EIF4G3: variants seen among roughly 807,000 people sequenced by gnomAD.
EIF4G3 encodes eIF-4-gamma 3.
Under a neutral mutation model 186.4 loss-of-function variants are expected in EIF4G3, and 34 were observed. That is an observed-to-expected ratio of 0.18 (90% CI 0.14 to 0.24). The LOEUF (loss-of-function observed/expected upper bound fraction) is 0.24. EIF4G3 is among the 10% of genes least tolerant of loss of function. The probability of loss-of-function intolerance (pLI) is 1.00; values close to 1 mark genes in which losing one functional copy is unlikely to be tolerated. For synonymous variants in EIF4G3, 673 were observed against 679.5 expected (o/e 0.99, Z 0.15); for missense variants, 1,536 against 1,948.5 (o/e 0.79, Z 3.99).
At chr1:20,811,412 C>A (rs2059219691) in intron 35 of EIF4G3, among the ~76,000 whole-genome samples, 1 of 152,208 alleles carries the variant, frequency 6.6e-6, no homozygotes, top group Admixed American at 6.5e-5. Context: ...TGCAACCTGG[C>A]TCATTTTCAA....
At chr1:20,943,974 T>TTTTGTG (rs2095829221) in intron 13 of EIF4G3, among the ~76,000 whole-genome samples, 1 of 62,468 alleles carries the variant, frequency 1.6e-5, no homozygotes, top group African/African-American at 5.5e-5. Flanking sequence ...TTTATTTTTT[T>TTTTGTG]TGTGTGTGTG....
At chr1:20,908,368 T>C (rs1352951426) in intron 14 of EIF4G3, among the ~76,000 whole-genome samples, 1 of 152,228 alleles carries the variant, frequency 6.6e-6, no homozygotes, top group African/African-American at 2.4e-5. Flanking sequence ...AGAGCTGTTT[T>C]GTAAAACGTC....
At chr1:20,986,368 T>C (rs2079460152) in intron 7 of EIF4G3, among the ~76,000 whole-genome samples, 1 of 152,200 alleles carries the variant, frequency 6.6e-6, no homozygotes, top group African/African-American at 2.4e-5. Context: ...ATACATAACC[T>C]GGCTAAATAA....
At chr1:21,176,668 C>G in intron 1 of EIF4G3, 54 bp downstream of exon 1, 1 of 540,490 alleles carries the variant, frequency 1.9e-6, no homozygotes, top group East Asian at 3.6e-5. Flanking sequence ...CGTGACAACG[C>G]GACCCCAGGG....
chr1:21,150,405 G>A (rs558539409), intron 2 of EIF4G3, among the ~76,000 whole-genome samples: 8 of 152,182 alleles, frequency 5.3e-5, no homozygotes, highest in East Asian at 3.9e-4. Context: ...TTTTCATGGC[G>A]TCATGAAAAA....
rs1176899370 is a variant in EIF4G3 at position 20,825,318 on chromosome 1, A to G, written c.4270-120T>C. On this transcript the variant is annotated intron_variant, in intron 32 of 36. Coordinates refer to ENST00000602326, the MANE Select transcript of EIF4G3 (RefSeq NM_001391906.1). The stretch of plus-strand genomic sequence containing the variant: ...GCAAACCCCAAAAAGCTGAAAAATC[A>G]AAACGTTTCCAGCAGGGCATGGTGG... 4 of 740,516 alleles carry G rather than the reference A, an allele frequency of 5.4e-6. No homozygotes were observed. In the South Asian group the frequency reaches 8.1e-5, roughly 15 times the overall value. The allele number at this position is 740,516 out of a possible 1,614,324, so 45.9% of individuals were successfully genotyped here. A position where few individuals can be genotyped will look rare whatever the true frequency, so the allele number is the denominator to read the frequency against.
rs757549841 is a variant in EIF4G3 at position 20,851,380 on chromosome 1, A to G, written c.3650T>C (p.Leu1217Pro). ...FMRGGSSKDL[L>P]DNQSQEEQRR... is the part of the protein sequence containing the mutation. ...CTGCTCTTCTTGAGACTGATTGTCT[A>G]GCAGGTCTTTACTGCTGCCACCCCT... Residue 1217 changes from leucine (L) to proline (P), a missense_variant, in exon 28 of 37, where the codon CTA becomes CCA. Leu to Pro is a moderately conservative substitution (Grantham distance 98). This residue lies in a region of EIF4G3 where 395 missense variants were observed against 498.9 expected (regional missense o/e 0.79). Transcript: ENST00000602326. 11 of 1,614,134 alleles carry G rather than the reference A, an allele frequency of 6.8e-6. No homozygotes were observed. The highest frequency in any genetic ancestry group is 1.1e-5 in the South Asian group (1 of 91,084).
rs2080688415 is a variant in EIF4G3 at position 20,989,937 on chromosome 1, G to A, written c.178-7529C>T. ...CACGCCTGTAATCCCAGCACTTTGGGAGGCCGAAACGGGCGGATCACCTGA... is the reference window on the plus strand; with the variant it reads ...CACGCCTGTAATCCCAGCACTTTGGAAGGCCGAAACGGGCGGATCACCTGA... On this transcript the variant is annotated intron_variant, in intron 7 of 36. Transcript: ENST00000602326. Among the ~76,000 whole-genome samples, 6 of 152,306 alleles carry A rather than the reference G, an allele frequency of 3.9e-5. No homozygotes were observed. The South Asian group carries it at 1.2e-3, about 32-fold the overall frequency.
intron 2 of EIF4G3, among the ~76,000 whole-genome samples, chr1:21,121,005 A>T (rs949964589): frequency 2.0e-5 from 3 of 152,124 alleles, no homozygotes; most frequent in Non-Finnish European, 4.4e-5. Context: ...CTACAGCCTC[A>T]ACTTCCTGGG....
intron 14 of EIF4G3, among the ~76,000 whole-genome samples, chr1:20,914,243 C>T (rs765667743): frequency 2.0e-5 from 3 of 151,978 alleles, no homozygotes; most frequent in South Asian, 2.1e-4. Flanking sequence ...CTTGTGAATA[C>T]GTAGCCCTAC....
intron 33 of EIF4G3, among the ~76,000 whole-genome samples, chr1:20,819,896 G>A (rs1333519347): frequency 1.3e-5 from 2 of 152,126 alleles, no homozygotes; most frequent in South Asian, 2.1e-4. Context: ...GAGGAAAGAG[G>A]AGAGAGGGGA....
At chr1:20,827,556 G>T in intron 32 of EIF4G3, 61 bp downstream of exon 32, 1 of 1,074,778 alleles carries the variant, frequency 9.3e-7, no homozygotes, top group Non-Finnish European at 1.4e-6. Flanking sequence ...GATAACCCAA[G>T]ATCAAGATCA....
intron 35 of EIF4G3, among the ~76,000 whole-genome samples, chr1:20,811,522 A>G (rs975262876): frequency 6.6e-6 from 1 of 152,238 alleles, no homozygotes; most frequent in African/African-American, 2.4e-5. Flanking sequence ...GAAATTATTA[A>G]TGAGACATTC....
At chr1:20,910,578 G>A (rs1233095228) in intron 14 of EIF4G3, among the ~76,000 whole-genome samples, 1 of 151,998 alleles carries the variant, frequency 6.6e-6, no homozygotes, top group Non-Finnish European at 1.5e-5. Context: ...GTGAGACTCC[G>A]ACTCAAAAAA....
intron 2 of EIF4G3, among the ~76,000 whole-genome samples, chr1:21,173,137 CAAAAAAAA>C (rs1193601902): frequency 3.4e-4 from 10 of 29,192 alleles, no homozygotes; most frequent in Non-Finnish European, 5.0e-4. Context: ...GACTCAATCT[CAAAAAAAA>C]AAAAAAAAAA....
chr1:20,861,404 C>CA (rs956766724), intron 23 of EIF4G3, among the ~76,000 whole-genome samples: 10 of 151,396 alleles, frequency 6.6e-5, no homozygotes, highest in Non-Finnish European at 1.2e-4. Context: ...AACAAAAAAA[C>CA]AAAAAAAACC....
At chr1:21,083,334 T>C (rs2095854530) in intron 3 of EIF4G3, among the ~76,000 whole-genome samples, 1 of 152,054 alleles carries the variant, frequency 6.6e-6, no homozygotes, top group Admixed American at 6.6e-5. Flanking sequence ...TAAAACATAA[T>C]ATATACACAA....
At chr1:20,950,172 T>C (rs558645132) in intron 12 of EIF4G3, 61 bp from the exon 13 acceptor site, 6 of 1,298,018 alleles carry the variant, frequency 4.6e-6, no homozygotes, top group Middle Eastern at 1.9e-4. Context: ...ACTAGCAACA[T>C]GGAACCCAAG....
chr1:21,160,280 TAAAC>T (rs145445671), intron 2 of EIF4G3, among the ~76,000 whole-genome samples: 4,177 of 152,080 alleles, frequency 0.027, 85 homozygotes, highest in Non-Finnish European at 0.038. Flanking sequence ...ATATGAATAA[TAAAC>T]AAATGGAGGA....
Sources: gnomAD v4.1 joint callset for allele counts (sites outside exome capture counted in the v4.1 genomes callset) on GRCh38, gnomAD v4.1.1 for gene constraint, gnomAD v4.1.1 regional missense constraint, MANE v1.5 for transcripts, NCBI Gene and HGNC (gene_info 2026-07-23, HGNC 2026-07-21) for gene names.